Variants in RAB27A observed in about 807,000 individuals in gnomAD.
RAB27A encodes the protein RAB27A, member RAS oncogene family, also known as ras-related protein Rab-27A.
A neutral mutation model predicts 20.8 loss-of-function variants in RAB27A; 17 were observed. The ratio of observed to expected loss-of-function variants is 0.82; its 90% CI spans 0.56 to 1.23. The LOEUF (loss-of-function observed/expected upper bound fraction) is 1.23. Among genes scored for constraint, RAB27A ranks in the 50% most tolerant of loss-of-function variants. RAB27A has a pLI of 0.00. For synonymous variants in RAB27A, 85 were observed against 92.8 expected (o/e 0.92, Z 0.48); for missense variants, 277 against 266.7 (o/e 1.04, Z -0.27).
intron 1 of RAB27A, among the ~76,000 whole-genome samples, chr15:55,282,835 AC>A (rs1387656427): frequency 6.6e-6 from 1 of 152,004 alleles, no homozygotes; most frequent in Non-Finnish European, 1.5e-5. Context: ...CTCCACGAGA[AC>A]CCCATTTCGC....
intron 2 of RAB27A, among the ~76,000 whole-genome samples, chr15:55,263,366 C>T (rs1897344202): frequency 6.9e-6 from 1 of 144,694 alleles, no homozygotes; most frequent in Admixed American, 6.9e-5. Context: ...ATAAGTCGCT[C>T]CCGTCTTGGG....
At chr15:55,313,648 G>A (rs2055030390) in intron 2 of RAB27A, among the ~76,000 whole-genome samples, 1 of 152,140 alleles carries the variant, frequency 6.6e-6, no homozygotes, top group South Asian at 2.1e-4. Flanking sequence ...CCAAGGCAGG[G>A]GTATCACTTC....
chr15:55,243,198 A>G (rs1237183808), intron 2 of RAB27A, among the ~76,000 whole-genome samples: 2 of 151,602 alleles, frequency 1.3e-5, no homozygotes, highest in Non-Finnish European at 2.9e-5. Context: ...CAAATCCAAG[A>G]AAAAAAAATA....
At chr15:55,250,207 G>T (rs1896836516) in intron 2 of RAB27A, among the ~76,000 whole-genome samples, 1 of 152,038 alleles carries the variant, frequency 6.6e-6, no homozygotes, top group South Asian at 2.1e-4. Flanking sequence ...CAAGTGATCT[G>T]CCTACCTCAG....
At chr15:55,214,309 G>A (rs892949919) in intron 6 of RAB27A, among the ~76,000 whole-genome samples, 19 of 152,136 alleles carry the variant, frequency 1.2e-4, no homozygotes, top group Non-Finnish European at 2.4e-4. Context: ...GGTGGTGGAC[G>A]CCTGTAGTCC....
intron 2 of RAB27A, among the ~76,000 whole-genome samples, chr15:55,265,082 A>C (rs977796530): frequency 1.3e-5 from 2 of 152,146 alleles, no homozygotes; most frequent in African/African-American, 4.8e-5. Flanking sequence ...ATCTCTACTA[A>C]AAATACAAAA....
intron 1 of RAB27A, among the ~76,000 whole-genome samples, chr15:55,316,248 A>AAG (rs2055043171): frequency 6.6e-6 from 1 of 151,934 alleles, no homozygotes; most frequent in East Asian, 1.9e-4. Flanking sequence ...AAAAAAAAAA[A>AAG]AAAAAGAATT....
At chr15:55,241,733 A>T (rs1452775459) in intron 2 of RAB27A, among the ~76,000 whole-genome samples, 1 of 150,382 alleles carries the variant, frequency 6.6e-6, no homozygotes, top group Admixed American at 6.6e-5. Flanking sequence ...GCTTAAGCCC[A>T]GGAGTTCAAG....
chr15:55,280,503 T>TTATATATA (rs71297648), intron 1 of RAB27A, among the ~76,000 whole-genome samples: 1,512 of 137,876 alleles, frequency 0.011, 12 homozygotes, highest in African/African-American at 0.014. Context: ...TGGGTATGGT[T>TTATATATA]TATATATATA....
At chr15:55,222,040 T>C (rs1405387011) in intron 6 of RAB27A, among the ~76,000 whole-genome samples, 1 of 152,224 alleles carries the variant, frequency 6.6e-6, no homozygotes, top group African/African-American at 2.4e-5. Flanking sequence ...CAGAGACTAC[T>C]TACCCAGCTC....
At chr15:55,263,318 C>T (rs1897342255) in intron 2 of RAB27A, among the ~76,000 whole-genome samples, 1 of 151,970 alleles carries the variant, frequency 6.6e-6, no homozygotes, top group African/African-American at 2.4e-5. Flanking sequence ...GGTGACCTTA[C>T]CCAAAACCAG....
chr15:55,258,316 C>A (rs968943570), intron 2 of RAB27A, among the ~76,000 whole-genome samples: 1 of 152,148 alleles, frequency 6.6e-6, no homozygotes. Flanking sequence ...ATGTATGTGC[C>A]TGTCTCCTAA....
At chr15:55,208,641 A>T (rs1301801578) in intron 6 of RAB27A, among the ~76,000 whole-genome samples, 2 of 150,126 alleles carry the variant, frequency 1.3e-5, no homozygotes, top group African/African-American at 5.0e-5. Flanking sequence ...CTCAGGAGAG[A>T]GGAAATCTTT....
intron 2 of RAB27A, among the ~76,000 whole-genome samples, chr15:55,300,805 G>T (rs534309185): frequency 1.3e-5 from 2 of 152,280 alleles, no homozygotes; most frequent in East Asian, 3.9e-4. Flanking sequence ...CTCTACAATG[G>T]AAATCATGGT....
At chr15:55,277,274 G>C (rs1374882520) in intron 1 of RAB27A, among the ~76,000 whole-genome samples, 1 of 152,174 alleles carries the variant, frequency 6.6e-6, no homozygotes, top group Non-Finnish European at 1.5e-5. Flanking sequence ...ACTCTGGAGA[G>C]CAGGAAATGG....
upstream of RAB27A, among the ~76,000 whole-genome samples, chr15:55,294,203 A>G (rs2054937696): frequency 6.6e-6 from 1 of 152,210 alleles, no homozygotes; most frequent in Non-Finnish European, 1.5e-5. Context: ...GTCTAGAAAT[A>G]AAATTATGCA....
At chr15:55,311,090 T>A (rs547904961) in intron 2 of RAB27A, among the ~76,000 whole-genome samples, 4 of 137,194 alleles carry the variant, frequency 2.9e-5, no homozygotes, top group Non-Finnish European at 5.0e-5. Context: ...TGTGGGGAAT[T>A]TTTCTCTTTC....
chr15:55,262,338 C>G (rs112602332), intron 2 of RAB27A, among the ~76,000 whole-genome samples: 2,580 of 151,778 alleles, frequency 0.017, 62 homozygotes, highest in African/African-American at 0.052. Context: ...TCAGGAGATC[C>G]AGACCATCCT....
intron 6 of RAB27A, among the ~76,000 whole-genome samples, chr15:55,214,801 G>C (rs1414820781): frequency 6.6e-6 from 1 of 152,038 alleles, no homozygotes; most frequent in Non-Finnish European, 1.5e-5. Flanking sequence ...GTCAATATGT[G>C]TTTATTTATC....
Sources: allele counts gnomAD v4.1 joint callset (sites outside exome capture counted in the v4.1 genomes callset), GRCh38; gene constraint gnomAD v4.1.1; transcripts MANE v1.5; gene names NCBI Gene and HGNC (gene_info 2026-07-23, HGNC 2026-07-21).